HERC4: variants seen among roughly 807,000 people sequenced by gnomAD.
HERC4 encodes the protein HECT and RLD domain containing E3 ubiquitin protein ligase 4.
A neutral mutation model predicts 124.3 loss-of-function variants in HERC4; 28 were observed. The observed-to-expected ratio is 0.23, with a 90% CI of 0.17 to 0.31. HERC4 has a LOEUF of 0.31. Among genes scored for constraint, HERC4 ranks in the 10% least tolerant of loss-of-function variants. The pLI, the probability that HERC4 is intolerant of heterozygous loss-of-function variation, is 1.00. For missense variants in HERC4, 713 were observed against 1,229.3 expected (o/e 0.58, Z 6.28); for synonymous variants, 407 against 421.5 (o/e 0.97, Z 0.42).
chr10:67,970,329 T>C (rs1403461178), intron 15 of HERC4, among the ~76,000 whole-genome samples: 2 of 152,202 alleles, frequency 1.3e-5, no homozygotes, highest in East Asian at 3.9e-4. Context: ...TGGTGGCTCA[T>C]GCCTGTAATC....
chr10:67,992,775 T>C lies in HERC4; in HGVS notation c.1070-93A>G, dbSNP rs913485777. ...ATTAGATTTTCACATAATCATCTTA[T>C]TTAATAAGGCCTCCCATTCATGGAC... On this transcript the variant is annotated intron_variant, in intron 9 of 24. Coordinates refer to ENST00000373700, the MANE Select transcript of HERC4 (RefSeq NM_015601.4). 136 of 659,148 alleles carry C rather than the reference T, an allele frequency of 2.1e-4. 1 individual carries two copies. The highest frequency in any genetic ancestry group is 4.0e-5 in the Non-Finnish European group (15 of 377,132). 40.8% of individuals were successfully genotyped at this position (659,148 alleles called of 1,614,324 possible). A position where few individuals can be genotyped will look rare whatever the true frequency, so the allele number is the denominator to read the frequency against.
chr10:68,017,017 A>G (rs975720416), intron 8 of HERC4, among the ~76,000 whole-genome samples: 3 of 152,144 alleles, frequency 2.0e-5, no homozygotes. Flanking sequence ...GCATATTCCC[A>G]TCATAGCCTG....
Position 67,988,779 on chromosome 10 carries a change from T to C in HERC4, c.1690A>G (p.Lys564Glu), listed in dbSNP as rs747841419. ...TTCAAAAGATGTACCACAACTTCCT[T>C]AAAAAGTTCTACTATCTTGAGGAAT... ...PLFLKIVELF[K>E]EVVVHLLKLY... is the part of the protein sequence containing the mutation. Residue 564 changes from lysine to glutamate, a missense_variant, in exon 15 of 25, where the codon AAG becomes GAG. Transcript: ENST00000373700. 6.2e-7 allele frequency: 1 copy of C among 1,607,720 alleles called. No homozygotes were observed. Among genetic ancestry groups the C allele is most frequent in the Non-Finnish European group, 8.5e-7 (1 of 1,176,464 alleles).
intron 15 of HERC4, among the ~76,000 whole-genome samples, chr10:67,972,034 T>G (rs900245399): frequency 6.8e-6 from 1 of 147,164 alleles, no homozygotes; most frequent in African/African-American, 2.5e-5. Context: ...GCCAATATGG[T>G]GAAACCCCAT....
chr10:67,987,406 A>C (rs966850236), intron 15 of HERC4, among the ~76,000 whole-genome samples: 5 of 152,222 alleles, frequency 3.3e-5, no homozygotes, highest in Admixed American at 3.3e-4. Context: ...AATAGGGTCC[A>C]GCTGAAAAGG....
chr10:68,019,344 C>T (rs893817225), intron 8 of HERC4, among the ~76,000 whole-genome samples: 1 of 152,088 alleles, frequency 6.6e-6, no homozygotes, highest in African/African-American at 2.4e-5. Context: ...AGTCACTTTA[C>T]CCCAAATAGA....
At chr10:67,993,344 C>T (rs1314703526) in intron 9 of HERC4, 1 of 99,034 alleles carries the variant, frequency 1.0e-5, no homozygotes, top group African/African-American at 3.7e-5. Flanking sequence ...GACTCCACCT[C>T]AAAAAAAAAA....
chr10:67,995,742 T>C (rs900660970), intron 9 of HERC4, among the ~76,000 whole-genome samples: 4 of 152,246 alleles, frequency 2.6e-5, no homozygotes, highest in Non-Finnish European at 4.4e-5. Flanking sequence ...TCATAGCATA[T>C]ATGCTGAGAA....
At chr10:67,970,114 C>A (rs2035139612) in intron 15 of HERC4, among the ~76,000 whole-genome samples, 1 of 152,116 alleles carries the variant, frequency 6.6e-6, no homozygotes, top group South Asian at 2.1e-4. Context: ...GCATTACAGG[C>A]CTGTAGTGTA....
At chr10:68,066,240 T>A (rs971719563) in intron 3 of HERC4, among the ~76,000 whole-genome samples, 1 of 152,212 alleles carries the variant, frequency 6.6e-6, no homozygotes, top group Admixed American at 6.5e-5. Flanking sequence ...TTGTGAGAAA[T>A]GAGCTTTAAA....
intron 9 of HERC4, among the ~76,000 whole-genome samples, chr10:68,005,762 G>C (rs1303660420): frequency 3.3e-5 from 5 of 151,774 alleles, no homozygotes; most frequent in African/African-American, 1.2e-4. Flanking sequence ...GAAGTGCAGT[G>C]GCACAATCAT....
At chr10:68,038,431 C>A in intron 4 of HERC4, 2 of 284,518 alleles carry the variant, frequency 7.0e-6, no homozygotes, top group Non-Finnish European at 1.3e-5. Context: ...ATACTCATAC[C>A]TCAAGTACTC....
chr10:68,025,023 G>GT lies in HERC4; in HGVS notation c.908+522dup, dbSNP rs2038825750. On this transcript the variant is annotated intron_variant, in intron 8 of 24. Transcript: ENST00000373700. ...TCTCTTCACCCTTTAAGGAAAAAAG[G>GT]TAAGCCTGGGCAACATAATGAGACC... Among the ~76,000 whole-genome samples, 6 of 152,218 alleles carry GT rather than the reference G, an allele frequency of 3.9e-5. No individual in the cohort carries two copies. The South Asian group carries it at 1.2e-3, about 32-fold the overall frequency.
At chr10:67,941,411 G>A (rs2032879562) in intron 19 of HERC4, among the ~76,000 whole-genome samples, 1 of 151,916 alleles carries the variant, frequency 6.6e-6, no homozygotes, top group African/African-American at 2.4e-5. Flanking sequence ...AAGTTAATAG[G>A]TGAAATAATT....
At position 67,983,719 on chromosome 10, in the gene HERC4, G is replaced by A. The variant is rs537384101; in HGVS notation, c.1806+4944C>T. ...GGAGAACAGCATGAACCCAGGAGGC[G>A]GAGCTTGCAGTGAGCCAAGATCGCA... On this transcript the variant is annotated intron_variant, in intron 15 of 24. Coordinates refer to ENST00000373700, the MANE Select transcript of HERC4 (RefSeq NM_015601.4). Among the ~76,000 whole-genome samples the A allele has an allele frequency of 1.7e-4, 25 of 149,952 alleles. No homozygotes were observed. The South Asian group carries it at 2.7e-3, about 16-fold the overall frequency.
intron 14 of HERC4, among the ~76,000 whole-genome samples, chr10:67,989,709 A>G (rs2036450473): frequency 6.6e-6 from 1 of 152,086 alleles, no homozygotes; most frequent in South Asian, 2.1e-4. Flanking sequence ...CTTTATGCCA[A>G]AAAACCAGAA....
intron 17 of HERC4, 136 bp downstream of exon 17, chr10:67,956,742 G>A (rs933748115): frequency 8.5e-6 from 4 of 469,134 alleles, no homozygotes; most frequent in Non-Finnish European, 3.8e-6. Context: ...CATATCACAT[G>A]CAGCAGTCTT....
intron 3 of HERC4, among the ~76,000 whole-genome samples, chr10:68,048,531 T>G (rs1390138271): frequency 2.0e-5 from 3 of 152,140 alleles, no homozygotes; most frequent in Admixed American, 1.3e-4. Flanking sequence ...AGGCAGAGCA[T>G]AGAGGATTTT....
At chr10:67,973,813 G>A (rs1351860280) in intron 15 of HERC4, among the ~76,000 whole-genome samples, 1 of 151,944 alleles carries the variant, frequency 6.6e-6, no homozygotes, top group Non-Finnish European at 1.5e-5. Flanking sequence ...CAGAACTTTG[G>A]GAGGCCAAGG....
Sources: gnomAD v4.1 joint callset for allele counts (sites outside exome capture counted in the v4.1 genomes callset) on GRCh38, gnomAD v4.1.1 for gene constraint, MANE v1.5 for transcripts, NCBI Gene and HGNC (gene_info 2026-07-23, HGNC 2026-07-21) for gene names.